The following EEFSEC variants were observed in gnomAD, a reference collection of about 807,000 sequenced individuals.
EEFSEC encodes the protein selenocysteine-specific elongation factor.
In EEFSEC, 43 loss-of-function variants were observed where a neutral mutation model predicts 42.1. The observed-to-expected ratio is 1.02, with a 90% CI of 0.80 to 1.32. The LOEUF (loss-of-function observed/expected upper bound fraction) is 1.32. Among genes scored for constraint, EEFSEC ranks in the 40% most tolerant of loss-of-function variants. EEFSEC has a pLI of 0.00. For missense variants in EEFSEC, 745 were observed against 803.6 expected (o/e 0.93, Z 0.88); for synonymous variants, 354 against 339.1 (o/e 1.04, Z -0.48).
At chr3:128,239,576 G>T (rs569903242) in intron 1 of EEFSEC, among the ~76,000 whole-genome samples, 26 of 152,260 alleles carry the variant, frequency 1.7e-4, no homozygotes, top group African/African-American at 6.3e-4. Flanking sequence ...CTGCCACCCC[G>T]TTCCTCCTGC....
chr3:128,295,992 A>AACC (rs749418429), intron 4 of EEFSEC, among the ~76,000 whole-genome samples: 11 of 152,136 alleles, frequency 7.2e-5, no homozygotes, highest in Admixed American at 3.3e-4. Context: ...GGGCAGCTTT[A>AACC]ACCTTTCCCC....
chr3:128,155,492 AC>A (rs1944363421), intron 1 of EEFSEC, among the ~76,000 whole-genome samples: 2 of 152,180 alleles, frequency 1.3e-5, no homozygotes, highest in Non-Finnish European at 2.9e-5. Flanking sequence ...GAGTTTTAAA[AC>A]ATGTTTTGTT....
At chr3:128,378,435 C>T (rs1005204446) in intron 6 of EEFSEC, among the ~76,000 whole-genome samples, 2 of 152,128 alleles carry the variant, frequency 1.3e-5, no homozygotes, top group East Asian at 3.9e-4. Context: ...TGTGACCTCC[C>T]GCCTGGGACA....
chr3:128,239,170 G>A (rs4074440), intron 1 of EEFSEC, among the ~76,000 whole-genome samples: 87,409 of 152,016 alleles, frequency 0.57, 27,854 homozygotes, highest in Non-Finnish European at 0.73. Context: ...CCCCGTGAGG[G>A]GCCAGCTCCT....
At chr3:128,183,802 G>A (rs753523800) in intron 1 of EEFSEC, among the ~76,000 whole-genome samples, 29 of 152,222 alleles carry the variant, frequency 1.9e-4, no homozygotes, top group Admixed American at 3.3e-4. Flanking sequence ...TCAAGTGTTT[G>A]TAGAATGGCT....
At chr3:128,264,878 C>A in intron 4 of EEFSEC, 97 bp downstream of exon 4, 1 of 1,421,678 alleles carries the variant, frequency 7.0e-7, no homozygotes. Context: ...TGCTGCTGTG[C>A]CTGCCCTGGG....
At chr3:128,174,460 T>C (rs1387419063) in intron 1 of EEFSEC, among the ~76,000 whole-genome samples, 1 of 152,230 alleles carries the variant, frequency 6.6e-6, no homozygotes, top group African/African-American at 2.4e-5. Flanking sequence ...GTGCTTTGCT[T>C]ATTGTGCCTA....
rs1002053069 is a variant in EEFSEC at position 128,388,663 on chromosome 3, C to G, written c.1601-19406C>G. ...TCCCTGGTGTAGTCTGCCTGTACCC[C>G]TCATCCCTTTGCCTCTTCGAGGCCT... On this transcript the variant is annotated intron_variant, in intron 6 of 6. Coordinates refer to ENST00000254730, the MANE Select transcript of EEFSEC (RefSeq NM_021937.5). 9.2e-5 allele frequency among the ~76,000 whole-genome samples: 14 copies of G among 152,388 alleles called. No homozygotes were observed. The East Asian group carries it at 2.5e-3, about 27-fold the overall frequency.
Position 128,262,010 on chromosome 3 carries a change from T to C in EEFSEC, c.525-118T>C, listed in dbSNP as rs2066301862. 1.3e-5 allele frequency: 12 copies of C among 891,594 alleles called. No individual in the cohort carries two copies. In the Admixed American group the frequency reaches 1.7e-4, roughly 13 times the overall value. 55.2% of individuals were successfully genotyped at this position (891,594 alleles called of 1,614,324 possible). ...GGTGCTGTCTTCTAGGCTTGGTTGATGTGGGGAGAGAAGAGGATGCTCACT... is the reference window on the plus strand; with the variant it reads ...GGTGCTGTCTTCTAGGCTTGGTTGACGTGGGGAGAGAAGAGGATGCTCACT... On this transcript the variant is annotated intron_variant, in intron 2 of 6. Coordinates refer to ENST00000254730, the MANE Select transcript of EEFSEC (RefSeq NM_021937.5).
chr3:128,322,935 G>A (rs2067023814), intron 4 of EEFSEC, among the ~76,000 whole-genome samples: 1 of 152,196 alleles, frequency 6.6e-6, no homozygotes, highest in Non-Finnish European at 1.5e-5. Flanking sequence ...CAGATTGGTG[G>A]GGGCTGCTTT....
rs564188052 is a variant in EEFSEC at position 128,278,585 on chromosome 3, C to T, written c.786+13804C>T. On this transcript the variant is annotated intron_variant, in intron 4 of 6. Transcript: ENST00000254730. ...TTGGGATAGGACATATATTTATGTGCTGTTGGTGGCTCCAACCTTGGTAGT... is the reference window on the plus strand; with the variant it reads ...TTGGGATAGGACATATATTTATGTGTTGTTGGTGGCTCCAACCTTGGTAGT... Among the ~76,000 whole-genome samples, 25 of 152,318 alleles carry T rather than the reference C, an allele frequency of 1.6e-4. 1 individual carries two copies. The South Asian group carries it at 4.8e-3, about 29-fold the overall frequency.
intron 4 of EEFSEC, among the ~76,000 whole-genome samples, chr3:128,302,758 C>A (rs2066783947): frequency 6.6e-6 from 1 of 151,778 alleles, no homozygotes. Flanking sequence ...CTGAATTTTC[C>A]CAGAAACAAT....
intron 1 of EEFSEC, among the ~76,000 whole-genome samples, chr3:128,222,718 T>C (rs1377572761): frequency 2.0e-5 from 3 of 152,260 alleles, no homozygotes; most frequent in African/African-American, 7.2e-5. Flanking sequence ...TAGAGCAGAT[T>C]ACCAAAAATG....
intron 6 of EEFSEC, chr3:128,362,207 A>G (rs747914532): frequency 5.7e-6 from 3 of 526,618 alleles, no homozygotes; most frequent in Non-Finnish European, 1.2e-5. Context: ...TCAGTGTGCC[A>G]GGCATCAGCA....
intron 4 of EEFSEC, among the ~76,000 whole-genome samples, chr3:128,294,954 G>T (rs2066686459): frequency 6.6e-6 from 1 of 152,210 alleles, no homozygotes; most frequent in Admixed American, 6.5e-5. Flanking sequence ...CCTCTGCTGT[G>T]CCTGTCAGGG....
intron 1 of EEFSEC, among the ~76,000 whole-genome samples, chr3:128,230,984 C>T (rs2065954056): frequency 6.6e-6 from 1 of 152,064 alleles, no homozygotes; most frequent in African/African-American, 2.4e-5. Context: ...ATTTATGTTG[C>T]CTCAGATCAG....
chr3:128,360,692 C>G (rs2067515047), intron 6 of EEFSEC, among the ~76,000 whole-genome samples: 2 of 148,428 alleles, frequency 1.3e-5, no homozygotes, highest in African/African-American at 5.0e-5. Flanking sequence ...TCTCAGGGTG[C>G]TGGGGTAGGA....
intron 1 of EEFSEC, among the ~76,000 whole-genome samples, chr3:128,221,327 C>T (rs1239449454): frequency 6.6e-6 from 1 of 152,136 alleles, no homozygotes; most frequent in Non-Finnish European, 1.5e-5. Flanking sequence ...CCAGTTAGTT[C>T]CAGGGGTATA....
chr3:128,248,946 C>T (rs2066156002), intron 2 of EEFSEC, among the ~76,000 whole-genome samples: 2 of 152,352 alleles, frequency 1.3e-5, no homozygotes, highest in Non-Finnish European at 2.9e-5. Context: ...CTGCCCTCAT[C>T]CAGCACCAGC....
Sources: gnomAD v4.1 joint callset for allele counts (sites outside exome capture counted in the v4.1 genomes callset) on GRCh38, gnomAD v4.1.1 for gene constraint, MANE v1.5 for transcripts, NCBI Gene and HGNC (gene_info 2026-07-23, HGNC 2026-07-21) for gene names.